Variants in SPAG16 observed in about 807,000 individuals in gnomAD.
SPAG16 encodes sperm-associated antigen 16 protein.
SPAG16 carries 86 observed loss-of-function variants against 80.4 expected under a neutral mutation model. That is an observed-to-expected ratio of 1.07 (90% confidence interval 0.90 to 1.28). The LOEUF is 1.28. Among genes scored for constraint, SPAG16 ranks in the 50% most tolerant of loss-of-function variants. The pLI, the probability that SPAG16 is intolerant of heterozygous loss-of-function variation, is 0.00. For synonymous variants in SPAG16, 294 were observed against 265.9 expected (o/e 1.11, Z -1.03); for missense variants, 870 against 765.3 (o/e 1.14, Z -1.61).
intron 15 of SPAG16, among the ~76,000 whole-genome samples, chr2:214,347,735 T>C (rs1490989684): frequency 1.3e-5 from 2 of 152,194 alleles, no homozygotes; most frequent in Non-Finnish European, 2.9e-5. Context: ...AGCTCATAAA[T>C]TGATATATAA....
chr2:214,407,208 G>A (rs1199030068), intron 15 of SPAG16, among the ~76,000 whole-genome samples: 1 of 151,882 alleles, frequency 6.6e-6, no homozygotes, highest in African/African-American at 2.4e-5. Flanking sequence ...TTTATTTCAT[G>A]TGATTTTTAT....
intron 14 of SPAG16, among the ~76,000 whole-genome samples, chr2:214,122,071 C>G (rs1053769099): frequency 1.7e-4 from 26 of 151,686 alleles, no homozygotes; most frequent in African/African-American, 6.0e-4. Context: ...AATAATCACA[C>G]ACAAATATGT....
chr2:214,205,165 A>T (rs543648813), intron 15 of SPAG16, among the ~76,000 whole-genome samples: 1 of 152,266 alleles, frequency 6.6e-6, no homozygotes, highest in African/African-American at 2.4e-5. Flanking sequence ...TGGAGGTTGC[A>T]GTGAGCCAAG....
At chr2:213,428,813 TG>T (rs2070106826) in intron 9 of SPAG16, among the ~76,000 whole-genome samples, 1 of 152,032 alleles carries the variant, frequency 6.6e-6, no homozygotes, top group African/African-American at 2.4e-5. Flanking sequence ...AGGAGAAGGC[TG>T]GGCATGGTGG....
At chr2:214,379,072 C>CAGAT (rs1188449044) in intron 15 of SPAG16, among the ~76,000 whole-genome samples, 4 of 152,214 alleles carry the variant, frequency 2.6e-5, no homozygotes, top group African/African-American at 9.6e-5. Context: ...AGATTGACAT[C>CAGAT]AGATAGCCTC....
At chr2:213,521,358 T>C (rs10183753) in intron 10 of SPAG16, among the ~76,000 whole-genome samples, 3,924 of 152,322 alleles carry the variant, frequency 0.026, 164 homozygotes, top group African/African-American at 0.088. Flanking sequence ...CCTGTTTTCA[T>C]TCTGACTTGC....
At chr2:214,376,851 A>G (rs985319311) in intron 15 of SPAG16, among the ~76,000 whole-genome samples, 1 of 152,206 alleles carries the variant, frequency 6.6e-6, no homozygotes, top group Non-Finnish European at 1.5e-5. Flanking sequence ...CAGTTTCACA[A>G]TGTAGTATCA....
At chr2:213,767,744 G>C (rs2069019392) in intron 10 of SPAG16, among the ~76,000 whole-genome samples, 1 of 151,592 alleles carries the variant, frequency 6.6e-6, no homozygotes, top group Non-Finnish European at 1.5e-5. Context: ...AGCTATTTTT[G>C]ATGTTTTGCC....
In SPAG16 at chr2:213,461,390, CT is replaced by C. The variant is rs2072351147; in HGVS notation, c.943-28570del. On this transcript the variant is annotated intron_variant, in intron 9 of 15. Coordinates refer to ENST00000331683, the MANE Select transcript of SPAG16 (RefSeq NM_024532.5). ...TATAGAGTAATCTTAGGAATTTAAA[CT>C]TTATCCAGTGGATAGCGGAGTGCCA... 2.0e-5 allele frequency among the ~76,000 whole-genome samples: 3 copies of C among 152,248 alleles called. No homozygotes were observed. In the South Asian group the frequency reaches 6.2e-4, roughly 32 times the overall value.
At chr2:214,264,929 G>T (rs1455239166) in intron 15 of SPAG16, among the ~76,000 whole-genome samples, 3 of 152,008 alleles carry the variant, frequency 2.0e-5, no homozygotes, top group South Asian at 2.1e-4. Flanking sequence ...TGGATTCAAG[G>T]TTCCCCTATG....
intron 9 of SPAG16, among the ~76,000 whole-genome samples, chr2:213,403,573 ATC>A (rs760633197): frequency 8.5e-5 from 13 of 152,174 alleles, no homozygotes; most frequent in Non-Finnish European, 1.9e-4. Context: ...AATAAGAGCT[ATC>A]TATGACAAAC....
At chr2:214,361,200 G>C (rs1699158717) in intron 15 of SPAG16, among the ~76,000 whole-genome samples, 1 of 151,618 alleles carries the variant, frequency 6.6e-6, no homozygotes, top group South Asian at 2.1e-4. Flanking sequence ...CATATATTGG[G>C]GTATCATTTT....
At chr2:213,350,336 C>A (rs1213515093) in intron 6 of SPAG16, among the ~76,000 whole-genome samples, 192 bp from the exon 7 acceptor site, 1 of 152,156 alleles carries the variant, frequency 6.6e-6, no homozygotes, top group Non-Finnish European at 1.5e-5. Context: ...CCTCACTGCA[C>A]CCTCCACCCT....
intron 12 of SPAG16, among the ~76,000 whole-genome samples, chr2:213,995,785 A>C (rs2046485920): frequency 6.6e-6 from 1 of 152,184 alleles, no homozygotes; most frequent in African/African-American, 2.4e-5. Context: ...CTTTGGATGA[A>C]GGGTGAAACT....
intron 10 of SPAG16, among the ~76,000 whole-genome samples, chr2:213,810,092 G>T (rs547155697): frequency 6.6e-6 from 1 of 152,268 alleles, no homozygotes; most frequent in South Asian, 2.1e-4. Flanking sequence ...AAGTTCCATG[G>T]ATCAGAAGAG....
chr2:214,303,771 C>T (rs960269753), intron 15 of SPAG16, among the ~76,000 whole-genome samples: 4 of 152,144 alleles, frequency 2.6e-5, no homozygotes, highest in African/African-American at 9.7e-5. Flanking sequence ...GTTCACTTTA[C>T]ATAATCCAGT....
intron 7 of SPAG16, among the ~76,000 whole-genome samples, chr2:213,350,893 G>T (rs2065287731): frequency 6.6e-6 from 1 of 152,032 alleles, no homozygotes; most frequent in Admixed American, 6.6e-5. Flanking sequence ...GGAGACCAAG[G>T]TAGGTGGATC....
chr2:213,838,749 G>T (rs574041143), intron 10 of SPAG16, among the ~76,000 whole-genome samples: 1 of 152,302 alleles, frequency 6.6e-6, no homozygotes, highest in African/African-American at 2.4e-5. Flanking sequence ...TACTTTCCTT[G>T]TAAAGGTTAA....
rs537141694 is a variant in SPAG16, at chr2:213,563,883, G to A, written c.1070+73793G>A. Among the ~76,000 whole-genome samples, 200 of 152,246 alleles carry A rather than the reference G, an allele frequency of 1.3e-3. 3 individuals carry two copies. Among genetic ancestry groups the A allele is most frequent in the South Asian group, 6.0e-3 (29 of 4,816 alleles). ...CTCTGCTATCACATTTCTACACCCT[G>A]AATGAGTGTGCTGATTGCAGGTGCC... On this transcript the variant is annotated intron_variant, in intron 10 of 15. Transcript: ENST00000331683.
Sources: allele counts gnomAD v4.1 joint callset (sites outside exome capture counted in the v4.1 genomes callset), GRCh38; gene constraint gnomAD v4.1.1; transcripts MANE v1.5; gene names NCBI Gene and HGNC (gene_info 2026-07-23, HGNC 2026-07-21).